Variants in RGS20 observed in about 807,000 individuals in gnomAD.
The protein encoded by RGS20 is regulator of G protein signaling 20.
A neutral mutation model predicts 33.6 loss-of-function variants in RGS20; 30 were observed. The observed-to-expected ratio is 0.89, with a 90% CI of 0.67 to 1.21. The LOEUF (loss-of-function observed/expected upper bound fraction) is 1.21. Ranked by LOEUF, RGS20 falls within the 50% of genes most tolerant of loss-of-function variation. RGS20 has a pLI of 0.00. For synonymous variants in RGS20, 208 were observed against 197.9 expected (o/e 1.05, Z -0.43); for missense variants, 472 against 502.4 (o/e 0.94, Z 0.58).
chr8:53,871,114 A>C (rs1180011274), intron 1 of RGS20, among the ~76,000 whole-genome samples: 5 of 127,712 alleles, frequency 3.9e-5, no homozygotes, highest in African/African-American at 1.2e-4. Flanking sequence ...CCATCTCACA[A>C]AAAAAAAAAA....
intron 1 of RGS20, among the ~76,000 whole-genome samples, chr8:53,863,595 C>T (rs1332284098): frequency 1.3e-5 from 2 of 152,106 alleles, no homozygotes; most frequent in Non-Finnish European, 2.9e-5. Context: ...TGATATCACC[C>T]TTTTGGCTGA....
In RGS20 at chr8:53,851,831, G is replaced by A. The variant is rs181111651; in HGVS notation, c.-69G>A. ...AGCATTAACCAAACAAAGAGAAGCA[G>A]AGTGGATCCTGTGCTAATATTGGGA... On this transcript the variant is annotated 5_prime_UTR_variant, in exon 1 of 6. Transcript: ENST00000297313. 329 of 1,507,762 alleles carry A rather than the reference G, an allele frequency of 2.2e-4. 3 individuals are homozygous for A. In the African/African-American group the frequency reaches 2.9e-3, roughly 13 times the overall value. 93.4% of individuals were successfully genotyped at this position (1,507,762 alleles called of 1,614,324 possible). A position where few individuals can be genotyped will look rare whatever the true frequency, so the allele number is the denominator to read the frequency against.
chr8:53,930,415 A>G (rs1412925317), intron 2 of RGS20, among the ~76,000 whole-genome samples: 1 of 152,222 alleles, frequency 6.6e-6, no homozygotes, highest in Non-Finnish European at 1.5e-5. Flanking sequence ...GATTTAAGTG[A>G]ATAGATATTT....
chr8:53,944,151 A>G (rs1814393481), intron 3 of RGS20, among the ~76,000 whole-genome samples: 1 of 152,238 alleles, frequency 6.6e-6, no homozygotes, highest in African/African-American at 2.4e-5. Context: ...CCAAATTGTC[A>G]GTGATAAAAT....
intron 2 of RGS20, among the ~76,000 whole-genome samples, chr8:53,901,829 C>CTCCAT (rs1275622206): frequency 2.6e-5 from 4 of 152,092 alleles, no homozygotes; most frequent in African/African-American, 9.7e-5. Flanking sequence ...CTGCACTCCA[C>CTCCAT]TGTGGGCAAC....
chr8:53,863,394 G>C (rs913318356), intron 1 of RGS20, among the ~76,000 whole-genome samples: 1 of 152,100 alleles, frequency 6.6e-6, no homozygotes, highest in East Asian at 1.9e-4. Context: ...CATTCTCAGG[G>C]GCCCAAGAGC....
At chr8:53,914,227 T>C (rs886796435) in intron 2 of RGS20, among the ~76,000 whole-genome samples, 3 of 152,100 alleles carry the variant, frequency 2.0e-5, no homozygotes, top group Admixed American at 1.3e-4. Flanking sequence ...ATAGAGGTCA[T>C]GCAATGTTGC....
chr8:53,868,439 G>A (rs989860678), intron 1 of RGS20, among the ~76,000 whole-genome samples: 12 of 152,122 alleles, frequency 7.9e-5, no homozygotes, highest in South Asian at 2.1e-4. Flanking sequence ...ACTTACTCAC[G>A]CTAACAGAAA....
chr8:53,896,658 T>G (rs2129279313), intron 2 of RGS20, among the ~76,000 whole-genome samples: 1 of 152,296 alleles, frequency 6.6e-6, no homozygotes, highest in Middle Eastern at 3.4e-3. Flanking sequence ...AGAAAACCAA[T>G]TAAAGGCAAT....
rs556237366 is a variant in RGS20, at chr8:53,905,516, G to A, written c.510+25914G>A. ...CTATACTGCAGGATAATGGGCCAGC[G>A]TCCTCTCAAACTTAGAATCGCCTCA... On this transcript the variant is annotated intron_variant, in intron 2 of 5. Transcript: ENST00000297313. 9.9e-5 allele frequency among the ~76,000 whole-genome samples: 15 copies of A among 152,250 alleles called. No homozygotes were observed. In the South Asian group the frequency reaches 1.2e-3, roughly 13 times the overall value.
chr8:53,866,904 G>A (rs546427725), intron 1 of RGS20, among the ~76,000 whole-genome samples: 1 of 152,290 alleles, frequency 6.6e-6, no homozygotes, highest in Admixed American at 6.5e-5. Context: ...AAGGTGGAAG[G>A]TTTGGGGTTT....
chr8:53,913,048 C>T (rs542156722), intron 2 of RGS20, among the ~76,000 whole-genome samples: 1 of 151,974 alleles, frequency 6.6e-6, no homozygotes, highest in East Asian at 1.9e-4. Context: ...TCACTGCAAA[C>T]TCCGACTCCT....
At chr8:53,937,241 T>A (rs554748023) in intron 2 of RGS20, among the ~76,000 whole-genome samples, 2 of 151,960 alleles carry the variant, frequency 1.3e-5, no homozygotes, top group African/African-American at 2.4e-5. Flanking sequence ...TGTATACATA[T>A]GTAACAAACC....
chr8:53,929,374 A>T (rs996462507), intron 2 of RGS20, among the ~76,000 whole-genome samples: 8 of 152,164 alleles, frequency 5.3e-5, no homozygotes, highest in Non-Finnish European at 8.8e-5. Context: ...AGTCTCAAAA[A>T]TTTTTTTAAA....
At chr8:53,956,513 C>T (rs938619016) in intron 5 of RGS20, among the ~76,000 whole-genome samples, 1 of 152,072 alleles carries the variant, frequency 6.6e-6, no homozygotes, top group African/African-American at 2.4e-5. Flanking sequence ...ATGGTGAGGG[C>T]CTAGCTAGGC....
chr8:53,895,910 G>A (rs983478888), intron 2 of RGS20, among the ~76,000 whole-genome samples: 2 of 151,482 alleles, frequency 1.3e-5, no homozygotes, highest in African/African-American at 4.8e-5. Flanking sequence ...GCCTCCCAAA[G>A]TGCTGGGTTT....
chr8:53,884,628 G>T (rs1311217824), intron 2 of RGS20, among the ~76,000 whole-genome samples: 1 of 152,170 alleles, frequency 6.6e-6, no homozygotes, highest in Non-Finnish European at 1.5e-5. Context: ...CTAATTAGGG[G>T]CCAAAATAGA....
chr8:53,863,913 G>C (rs1811864167), intron 1 of RGS20, among the ~76,000 whole-genome samples: 1 of 151,820 alleles, frequency 6.6e-6, no homozygotes, highest in African/African-American at 2.4e-5. Flanking sequence ...ATTTTTAGTA[G>C]AGACAGGGTT....
At chr8:53,936,461 A>C (rs1463235095) in intron 2 of RGS20, among the ~76,000 whole-genome samples, 1 of 152,226 alleles carries the variant, frequency 6.6e-6, no homozygotes, top group African/African-American at 2.4e-5. Flanking sequence ...AAGAACAGAC[A>C]AAAAGAGAGC....
Sources: gnomAD v4.1 joint callset for allele counts (sites outside exome capture counted in the v4.1 genomes callset) on GRCh38, gnomAD v4.1.1 for gene constraint, MANE v1.5 for transcripts, NCBI Gene and HGNC (gene_info 2026-07-23, HGNC 2026-07-21) for gene names.